Variants in NEK5 observed in about 807,000 individuals in gnomAD.
NEK5 encodes the protein serine/threonine-protein kinase Nek5.
In NEK5, 88 loss-of-function variants were observed where a neutral mutation model predicts 109.2. The ratio of observed to expected loss-of-function variants is 0.81; its 90% confidence interval spans 0.68 to 0.96. The LOEUF (loss-of-function observed/expected upper bound fraction) is 0.96. NEK5 is among the 40% of genes least tolerant of loss of function. The probability of loss-of-function intolerance (pLI) is 0.00; values close to 1 mark genes in which losing one functional copy is unlikely to be tolerated. For synonymous variants in NEK5, 283 were observed against 299.9 expected (o/e 0.94, Z 0.58); for missense variants, 834 against 920.7 (o/e 0.91, Z 1.22).
intron 21 of NEK5, among the ~76,000 whole-genome samples, chr13:52,064,476 C>T (rs1381712798): frequency 2.0e-5 from 3 of 148,046 alleles, no homozygotes; most frequent in African/African-American, 7.4e-5. Flanking sequence ...GCCCGGCCAG[C>T]CGCCCCGTCT....
intron 7 of NEK5, 87 bp from the exon 8 acceptor site, chr13:52,108,491 T>C: frequency 5.2e-6 from 4 of 764,778 alleles, no homozygotes; most frequent in African/African-American, 3.5e-5. Context: ...AGAAAAAATG[T>C]GAAAATGGAT....
At chr13:52,087,292 A>G (rs774589982) in intron 15 of NEK5, 46 bp downstream of exon 15, 2 of 953,884 alleles carry the variant, frequency 2.1e-6, no homozygotes, top group South Asian at 1.3e-5. Context: ...AAAGACAGTA[A>G]TACAAAGAAA....
In NEK5 at chr13:52,037,072, C is replaced by T. The variant is rs1954366471; in HGVS notation, c.2375G>A (p.Ser792Asn). 47 of 985,244 alleles carry T rather than the reference C, an allele frequency of 4.8e-5. No homozygotes were observed. Among genetic ancestry groups the T allele is most frequent in the Non-Finnish European group, 5.7e-5 (47 of 829,900 alleles). The allele number at this position is 985,244 out of a possible 1,614,324, so 61.0% of individuals were successfully genotyped here. A position where few individuals can be genotyped will look rare whatever the true frequency, so the allele number is the denominator to read the frequency against. Residue 792 changes from serine (S) to asparagine (N), a missense_variant, in exon 24 of 24, where the codon AGT becomes AAT. Physicochemically the swap from Ser to Asn is conservative, Grantham distance 46 (BLOSUM62 1). This residue lies in a region of NEK5 where 57 missense variants were observed against 96.0 expected (regional missense o/e 0.59). Transcript: ENST00000684899. ...CCTTAATTCTTCAGATTTCTGCATA[C>T]TTATCCCCTCTCTTTCTCTTGACTT... is the stretch of plus-strand genomic sequence containing the variant. ...SRKSREREGI[S>N]MQKSEELREG...
At chr13:52,089,820 T>A (rs1955238623) in intron 13 of NEK5, among the ~76,000 whole-genome samples, 1 of 151,926 alleles carries the variant, frequency 6.6e-6, no homozygotes. Flanking sequence ...ACCCCGTCTC[T>A]GCTAAAAAAA....
chr13:52,038,727 A>G (rs375099572), intron 23 of NEK5, among the ~76,000 whole-genome samples: 106 of 150,722 alleles, frequency 7.0e-4, no homozygotes, highest in Middle Eastern at 6.8e-3. Context: ...CAGGAGGCTG[A>G]TGCAGGAGGA....
Position 52,075,839 on chromosome 13 carries a change from A to T in NEK5, c.1654-13T>A. 4.4e-6 allele frequency: 1 copy of T among 225,948 alleles called. No homozygotes were observed. The highest frequency in any genetic ancestry group is 7.4e-6 in the Non-Finnish European group (1 of 135,558). 14.0% of individuals were successfully genotyped at this position (225,948 alleles called of 1,614,324 possible). ...ATTTTACCCCCTTCTAGGAGAAAGCAAAAAAAAAAAAAAAGTTTAGCAATT... is the reference window on the plus strand; with the variant it reads ...ATTTTACCCCCTTCTAGGAGAAAGCTAAAAAAAAAAAAAAGTTTAGCAATT... On this transcript the variant is annotated splice_polypyrimidine_tract_variant and intron_variant, in intron 18 of 23. Coordinates refer to ENST00000684899, the MANE Select transcript of NEK5 (RefSeq NM_001365552.1).
At chr13:52,087,255 A>AGGG (rs1291674949) in intron 15 of NEK5, 83 bp downstream of exon 15, 1 of 703,612 alleles carries the variant, frequency 1.4e-6, no homozygotes, top group African/African-American at 1.8e-5. Context: ...ACTGTAGGAA[A>AGGG]TAGAAGTAAC....
At chr13:52,079,694 G>A (rs1307446215) in intron 17 of NEK5, among the ~76,000 whole-genome samples, 3 of 152,224 alleles carry the variant, frequency 2.0e-5, no homozygotes, top group Non-Finnish European at 4.4e-5. Flanking sequence ...CCAAAGTGCC[G>A]AGATTGCAGC....
chr13:52,116,153 C>T (rs1955853365), intron 4 of NEK5, among the ~76,000 whole-genome samples: 1 of 139,872 alleles, frequency 7.1e-6, no homozygotes, highest in African/African-American at 2.6e-5. Flanking sequence ...TGCACTCCAG[C>T]CTGGGCAACA....
At chr13:52,083,161 A>AT in intron 17 of NEK5, 99 bp downstream of exon 17, 1 of 763,382 alleles carries the variant, frequency 1.3e-6, no homozygotes, top group Non-Finnish European at 2.2e-6. Context: ...AAAAAAAAAA[A>AT]GTTCCCTACG....
chr13:52,045,459 T>C (rs1447951065), intron 23 of NEK5, among the ~76,000 whole-genome samples: 1 of 150,148 alleles, frequency 6.7e-6, no homozygotes, highest in Non-Finnish European at 1.5e-5. Flanking sequence ...AGTGAGGAGT[T>C]ATTTGGGGAA....
chr13:52,041,199 T>C (rs376074032), intron 23 of NEK5, among the ~76,000 whole-genome samples: 11 of 152,142 alleles, frequency 7.2e-5, no homozygotes, highest in African/African-American at 2.4e-4. Context: ...AAGAAAAAAA[T>C]TGGACCATGA....
chr13:52,085,033 T>G (rs571812281), intron 16 of NEK5, among the ~76,000 whole-genome samples: 1 of 152,242 alleles, frequency 6.6e-6, no homozygotes, highest in South Asian at 2.1e-4. Flanking sequence ...TAAAAGAAAG[T>G]ATGAACGTGA....
intron 17 of NEK5, among the ~76,000 whole-genome samples, chr13:52,079,181 A>G (rs1954923192): frequency 6.6e-6 from 1 of 150,626 alleles, no homozygotes. Flanking sequence ...CAAGAAGAGA[A>G]GAGAGGGAAG....
intron 7 of NEK5, among the ~76,000 whole-genome samples, chr13:52,110,013 A>G (rs1286882581): frequency 2.6e-5 from 4 of 152,162 alleles, no homozygotes; most frequent in Non-Finnish European, 5.9e-5. Context: ...ATCTCTTCAA[A>G]TATTTTATAG....
chr13:52,080,132 G>A (rs9568705), intron 17 of NEK5, among the ~76,000 whole-genome samples: 14 of 131,340 alleles, frequency 1.1e-4, no homozygotes, highest in South Asian at 2.4e-4. Flanking sequence ...GGTGAGGAGC[G>A]TCTCCGCCCG....
At chr13:52,083,947 A>C (rs933014882) in intron 16 of NEK5, among the ~76,000 whole-genome samples, 6 of 152,088 alleles carry the variant, frequency 3.9e-5, no homozygotes, top group Non-Finnish European at 7.4e-5. Context: ...TGCTCCAGAG[A>C]GAACAACCTC....
intron 21 of NEK5, chr13:52,065,160 C>T (rs1356472249): frequency 1.2e-5 from 5 of 410,110 alleles, no homozygotes; most frequent in Non-Finnish European, 2.2e-5. Context: ...CCTATGAAAT[C>T]GCAAAAAAAG....
Position 52,034,504 on chromosome 13 carries a change from CTTTTTTTTTTT to C in NEK5, c.*2433_*2443del, listed in dbSNP as rs1172266927. 1 of 108,944 alleles carries C rather than the reference CTTTTTTTTTTT, an allele frequency of 9.2e-6. No individual in the cohort carries two copies. The highest frequency in any genetic ancestry group is 1.9e-5 in the Non-Finnish European group (1 of 53,678). 6.7% of individuals were successfully genotyped at this position (108,944 alleles called of 1,614,324 possible). ...GGAACAAACCCGATAACCTGACATG[CTTTTTTTTTTT>C]TTTTTTTTTTTTGAGACAGGGTCTT... is the stretch of plus-strand genomic sequence containing the variant. On this transcript the variant is annotated 3_prime_UTR_variant, in exon 24 of 24. Transcript: ENST00000684899.
Sources: allele counts gnomAD v4.1 joint callset (sites outside exome capture counted in the v4.1 genomes callset), GRCh38; gene constraint gnomAD v4.1.1; regional missense constraint gnomAD v4.1.1; transcripts MANE v1.5; gene names NCBI Gene and HGNC (gene_info 2026-07-23, HGNC 2026-07-21).